The following EXOC2 variants were observed in gnomAD, a reference collection of about 807,000 sequenced individuals.
EXOC2 encodes the protein exocyst complex component 2.
EXOC2 carries 70 observed loss-of-function variants against 131.8 expected under a neutral mutation model. The observed-to-expected ratio is 0.53, with a 90% CI of 0.44 to 0.65. EXOC2 has a LOEUF of 0.65. EXOC2 is among the 30% of genes least tolerant of loss of function. The probability of loss-of-function intolerance (pLI) is 0.00; values close to 1 mark genes in which losing one functional copy is unlikely to be tolerated. For missense variants in EXOC2, 923 were observed against 1,108.6 expected, an observed-to-expected ratio of 0.83 and a Z score of 2.38; for synonymous variants, 411 against 398.4, an observed-to-expected ratio of 1.03 and a Z score of -0.38.
intron 1 of EXOC2, among the ~76,000 whole-genome samples, chr6:662,165 T>C (rs989815148): frequency 2.0e-5 from 3 of 152,042 alleles, no homozygotes; most frequent in African/African-American, 4.8e-5. Context: ...CAATTACTAA[T>C]AGATCTAAGC....
intron 22 of EXOC2, among the ~76,000 whole-genome samples, chr6:541,806 C>G (rs1206674084): frequency 6.6e-6 from 1 of 152,162 alleles, no homozygotes; most frequent in African/African-American, 2.4e-5. Flanking sequence ...AATCATCTCA[C>G]AAAGAAAATC....
At chr6:497,274 A>G in intron 25 of EXOC2, 93 bp downstream of exon 25, 1 of 1,158,022 alleles carries the variant, frequency 8.6e-7, no homozygotes, top group Non-Finnish European at 1.3e-6. Context: ...CCATTAAAAG[A>G]AGCCTGTCAT....
At chr6:576,703 A>C (rs919455942) in intron 12 of EXOC2, 54 bp downstream of exon 12, 2 of 1,594,356 alleles carry the variant, frequency 1.3e-6, no homozygotes, top group African/African-American at 2.7e-5. Flanking sequence ...GAATGTTTGA[A>C]ATTACACGAG....
At chr6:575,455 C>T (rs1166955753) in intron 12 of EXOC2, among the ~76,000 whole-genome samples, 1 of 152,096 alleles carries the variant, frequency 6.6e-6, no homozygotes, top group Non-Finnish European at 1.5e-5. Flanking sequence ...TCCTCTCCCT[C>T]ACTCCCTCTC....
intron 13 of EXOC2, among the ~76,000 whole-genome samples, chr6:566,730 C>T (rs117852217): frequency 2.0e-5 from 3 of 152,244 alleles, no homozygotes; most frequent in East Asian, 1.9e-4. Flanking sequence ...AGTTTGTTCC[C>T]GTGGCTTCAA....
chr6:495,036 A>G (rs1329465847), intron 25 of EXOC2, among the ~76,000 whole-genome samples: 1 of 143,900 alleles, frequency 6.9e-6, no homozygotes, highest in Non-Finnish European at 1.5e-5. Context: ...ACAGCACCAC[A>G]CTTGGATAAT....
intron 1 of EXOC2, among the ~76,000 whole-genome samples, chr6:676,803 C>T (rs1302586645): frequency 2.1e-5 from 2 of 93,842 alleles, no homozygotes; most frequent in Non-Finnish European, 4.9e-5. Context: ...GTTCCCCATA[C>T]TCTTCAACAT....
chr6:581,598 A>T (rs868726889), intron 11 of EXOC2, among the ~76,000 whole-genome samples: 2 of 152,198 alleles, frequency 1.3e-5, no homozygotes, highest in African/African-American at 4.8e-5. Context: ...GATACAAAAC[A>T]AAATTCTGGA....
At chr6:530,057 T>C (rs1178307891) in intron 23 of EXOC2, among the ~76,000 whole-genome samples, 1 of 152,226 alleles carries the variant, frequency 6.6e-6, no homozygotes, top group African/African-American at 2.4e-5. Context: ...AGCAAGTCTA[T>C]GCAACTACCA....
rs751629666 is a variant in EXOC2 at position 486,758 on chromosome 6, C to T, written c.2688G>A (p.Leu896=). 3 of 1,613,650 alleles carry T rather than the reference C, an allele frequency of 1.9e-6. No homozygotes were observed. Among genetic ancestry groups the T allele is most frequent in the South Asian group, 1.1e-5 (1 of 91,050 alleles). Reference sequence around the variant, plus strand: ...TCTTGAACTTGTTCAGGAGCTCTTCCAGTAACCTGCAGGACGGAGACACTT... The same window carrying T: ...TCTTGAACTTGTTCAGGAGCTCTTCTAGTAACCTGCAGGACGGAGACACTT... ...QLSSGADKKL[L]EELLNKFKSS... Residue 896 remains leucine (L), a synonymous_variant, in exon 28 of 28, where the codon CTG becomes CTA. Transcript: ENST00000230449.
At chr6:688,479 A>C (rs910763228) in intron 1 of EXOC2, among the ~76,000 whole-genome samples, 40 of 152,350 alleles carry the variant, frequency 2.6e-4, no homozygotes, top group African/African-American at 8.9e-4. Flanking sequence ...ACAGTGACTG[A>C]AGATCACAGA....
intron 1 of EXOC2, among the ~76,000 whole-genome samples, chr6:645,348 TAGG>T (rs1762533717): frequency 6.6e-6 from 1 of 152,018 alleles, no homozygotes; most frequent in African/African-American, 2.4e-5. Flanking sequence ...GAAGATAACA[TAGG>T]AGATTATCTC....
rs148487773 is a variant in EXOC2 at position 497,227 on chromosome 6, A to C, written c.2559+140T>G. ...AGACAATGCTTCATGGGTATGGCTTATGCAAGAAAGAATATGAACTTCTTC... is the reference window on the plus strand; with the variant it reads ...AGACAATGCTTCATGGGTATGGCTTCTGCAAGAAAGAATATGAACTTCTTC... On this transcript the variant is annotated intron_variant, in intron 25 of 27. Coordinates refer to ENST00000230449, the MANE Select transcript of EXOC2 (RefSeq NM_018303.6). 1.5e-5 allele frequency: 11 copies of C among 712,310 alleles called. No homozygotes were observed. In the Admixed American group the frequency reaches 3.2e-4, roughly 21 times the overall value. 44.1% of individuals were successfully genotyped at this position (712,310 alleles called of 1,614,324 possible).
intron 1 of EXOC2, among the ~76,000 whole-genome samples, chr6:642,801 C>T (rs1762414113): frequency 6.6e-6 from 1 of 151,608 alleles, no homozygotes; most frequent in Non-Finnish European, 1.5e-5. Flanking sequence ...TTTGAAGAAA[C>T]AGTCAGTGAA....
At chr6:645,902 G>A (rs1427233337) in intron 1 of EXOC2, among the ~76,000 whole-genome samples, 1 of 152,206 alleles carries the variant, frequency 6.6e-6, no homozygotes, top group Non-Finnish European at 1.5e-5. Context: ...CTAAGGAAGT[G>A]TATGTCAAAA....
At chr6:633,672 A>G (rs1761964504) in intron 2 of EXOC2, among the ~76,000 whole-genome samples, 1 of 152,204 alleles carries the variant, frequency 6.6e-6, no homozygotes, top group Admixed American at 6.5e-5. Flanking sequence ...AAGTGTGCTC[A>G]GGCATTACTG....
chr6:555,434 T>A (rs112945906), intron 19 of EXOC2, 146 bp from the exon 20 acceptor site: 8 of 465,672 alleles, frequency 1.7e-5, no homozygotes, highest in African/African-American at 7.8e-5. Flanking sequence ...AATATGTGTA[T>A]ATACTGTATA....
chr6:518,711 A>C (rs996005562), intron 23 of EXOC2, among the ~76,000 whole-genome samples: 1 of 152,220 alleles, frequency 6.6e-6, no homozygotes, highest in Non-Finnish European at 1.5e-5. Context: ...AAGAAGAAGA[A>C]AATATCTGAA....
intron 1 of EXOC2, among the ~76,000 whole-genome samples, chr6:661,755 G>A (rs1763432559): frequency 6.6e-6 from 1 of 151,924 alleles, no homozygotes; most frequent in Non-Finnish European, 1.5e-5. Context: ...CAAAAAAAAA[G>A]TACACAGGCC....
Sources: allele counts gnomAD v4.1 joint callset (sites outside exome capture counted in the v4.1 genomes callset), GRCh38; gene constraint gnomAD v4.1.1; transcripts MANE v1.5; gene names NCBI Gene and HGNC (gene_info 2026-07-23, HGNC 2026-07-21).